PTDSS1: variants seen among roughly 807,000 people sequenced by gnomAD.
The protein encoded by PTDSS1 is PSS-1.
PTDSS1 carries 45 observed loss-of-function variants against 70.5 expected under a neutral mutation model. The ratio of observed to expected loss-of-function variants is 0.64; its 90% CI spans 0.50 to 0.82. The LOEUF (loss-of-function observed/expected upper bound fraction) is 0.82. Ranked by LOEUF, PTDSS1 falls within the 40% of genes least tolerant of loss-of-function variation. The probability of loss-of-function intolerance (pLI) is 0.00; values close to 1 mark genes in which losing one functional copy is unlikely to be tolerated. For synonymous variants in PTDSS1, 188 were observed against 203.8 expected (o/e 0.92, Z 0.66); for missense variants, 417 against 586.1 (o/e 0.71, Z 2.98).
chr8:96,325,205 A>G (rs531344604), intron 10 of PTDSS1, among the ~76,000 whole-genome samples: 28 of 152,354 alleles, frequency 1.8e-4, no homozygotes, highest in Non-Finnish European at 8.8e-5. Flanking sequence ...AACTTGCCCA[A>G]GGTCACATAG....
At chr8:96,286,957 T>C in intron 3 of PTDSS1, 65 bp from the exon 4 acceptor site, 2 of 1,588,676 alleles carry the variant, frequency 1.3e-6, no homozygotes, top group Non-Finnish European at 8.6e-7. Context: ...TCGAGTCTAA[T>C]GTGTATTGTG....
Position 96,291,274 on chromosome 8 carries a change from T to C in PTDSS1, c.442-3824T>C, listed in dbSNP as rs1810899043. Among the ~76,000 whole-genome samples, 6 of 152,278 alleles carry C rather than the reference T, an allele frequency of 3.9e-5. No individual in the cohort carries two copies. In the South Asian group the frequency reaches 1.2e-3, roughly 32 times the overall value. ...AGACAATTTCAACAGCTTTTTAGAA[T>C]TTTATTATGAAAAATTTTAAACCTA... On this transcript the variant is annotated intron_variant, in intron 4 of 12. Coordinates refer to ENST00000517309, the MANE Select transcript of PTDSS1 (RefSeq NM_014754.3).
In PTDSS1 at chr8:96,262,273, G is replaced by A. The variant is rs1487095403; in HGVS notation, c.179+54G>A. The A allele has an allele frequency of 1.1e-5, 15 of 1,344,988 alleles. No homozygotes were observed. Among genetic ancestry groups the A allele is most frequent in the Non-Finnish European group, 1.5e-5 (14 of 963,726 alleles). 83.3% of individuals were successfully genotyped at this position (1,344,988 alleles called of 1,614,324 possible). The stretch of plus-strand genomic sequence containing the variant: ...CGTCCAAGGGCTAGGGAAGAGGCGG[G>A]AGGGAGGGTGGCGGGGAGGGGGGCC... On this transcript the variant is annotated intron_variant, in intron 1 of 12. Coordinates refer to ENST00000517309, the MANE Select transcript of PTDSS1 (RefSeq NM_014754.3). This position sits in a 1 kb window ranked among gnomAD's most constrained non-coding sequence, Gnocchi z 4.4.
At chr8:96,265,563 G>A (rs888111192) in intron 1 of PTDSS1, among the ~76,000 whole-genome samples, 9 of 151,966 alleles carry the variant, frequency 5.9e-5, no homozygotes, top group African/African-American at 1.9e-4. Context: ...GGACAACATG[G>A]TGTAACCCTA....
In PTDSS1 at chr8:96,309,641, T is replaced by C. The variant is rs761957248; in HGVS notation, c.1073+19T>C. ...TGTTTGGGTGAGTAATCTGTTATTG[T>C]GGAGATTTAAAAACCACTTAAGCCC... is the stretch of plus-strand genomic sequence containing the variant. On this transcript the variant is annotated intron_variant, in intron 9 of 12. Transcript: ENST00000517309. 2 of 1,613,490 alleles carry C rather than the reference T, an allele frequency of 1.2e-6. No individual in the cohort carries two copies. The highest frequency in any genetic ancestry group is 2.2e-5 in the East Asian group (1 of 44,874).
chr8:96,292,170 C>T (rs1356952016), intron 4 of PTDSS1, among the ~76,000 whole-genome samples: 2 of 151,156 alleles, frequency 1.3e-5, no homozygotes, highest in Admixed American at 6.6e-5. Context: ...CGTGGTGGCA[C>T]GCACCTGTAA....
intron 3 of PTDSS1, among the ~76,000 whole-genome samples, chr8:96,285,716 G>A (rs992696725): frequency 6.6e-6 from 1 of 152,200 alleles, no homozygotes; most frequent in Admixed American, 6.5e-5. Flanking sequence ...GTGCATCCAT[G>A]GACATTGACC....
At chr8:96,288,569 G>A (rs1469030383) in intron 4 of PTDSS1, among the ~76,000 whole-genome samples, 17 of 147,872 alleles carry the variant, frequency 1.1e-4, no homozygotes, top group Admixed American at 1.1e-3. Flanking sequence ...CAAATGATCT[G>A]CCTGCTTCGG....
chr8:96,278,495 A>T (rs1322541385), intron 2 of PTDSS1, among the ~76,000 whole-genome samples: 1 of 152,094 alleles, frequency 6.6e-6, no homozygotes, highest in Non-Finnish European at 1.5e-5. Context: ...AGAGCAGGGG[A>T]AGGAGAGGGT....
chr8:96,273,045 T>C (rs1417400713), intron 1 of PTDSS1, among the ~76,000 whole-genome samples: 1 of 152,216 alleles, frequency 6.6e-6, no homozygotes, highest in Non-Finnish European at 1.5e-5. Context: ...GTAAAGTGTG[T>C]CTGATTATAT....
chr8:96,315,165 C>T (rs1811268291), intron 9 of PTDSS1, among the ~76,000 whole-genome samples: 1 of 152,222 alleles, frequency 6.6e-6, no homozygotes, highest in Non-Finnish European at 1.5e-5. Context: ...TAGAAGCTCA[C>T]TCCTGAACTT....
At chr8:96,304,324 A>G in intron 7 of PTDSS1, 143 bp downstream of exon 7, 1 of 1,028,558 alleles carries the variant, frequency 9.7e-7, no homozygotes, top group South Asian at 1.8e-5. Flanking sequence ...GGCATGTAGA[A>G]TAATTAAGCA....
intron 4 of PTDSS1, among the ~76,000 whole-genome samples, chr8:96,290,472 A>C (rs1463657677): frequency 6.6e-6 from 1 of 150,688 alleles, no homozygotes; most frequent in Non-Finnish European, 1.5e-5. Flanking sequence ...TCAAAGTTAC[A>C]GCCCCAAGTA....
Position 96,262,016 on chromosome 8 carries a change from C to T in PTDSS1, c.-25C>T. On this transcript the variant is annotated 5_prime_UTR_variant, in exon 1 of 13. Transcript: ENST00000517309. This position sits in a 1 kb window ranked among gnomAD's most constrained non-coding sequence, Gnocchi z 4.4. ...CCTTCTCGGGCTGGGGCCGCCGCCA[C>T]CGCGGCAGGACGGGGAGGCGGGCCA... 1.2e-6 allele frequency: 2 copies of T among 1,603,368 alleles called. No homozygotes were observed. The highest frequency in any genetic ancestry group is 8.5e-7 in the Non-Finnish European group (1 of 1,174,378).
At chr8:96,332,819 C>T (rs1811536449) in intron 12 of PTDSS1, among the ~76,000 whole-genome samples, 1 of 152,148 alleles carries the variant, frequency 6.6e-6, no homozygotes, top group Admixed American at 6.5e-5. Flanking sequence ...GTGGAGATTT[C>T]CTATGGGGCT....
At chr8:96,288,967 C>T (rs528001859) in intron 4 of PTDSS1, among the ~76,000 whole-genome samples, 17 of 151,578 alleles carry the variant, frequency 1.1e-4, no homozygotes, top group African/African-American at 4.1e-4. Flanking sequence ...CGGAGTCTCG[C>T]TCTGTCACCC....
intron 1 of PTDSS1, among the ~76,000 whole-genome samples, chr8:96,264,901 A>C (rs547126174): frequency 6.6e-6 from 1 of 152,206 alleles, no homozygotes; most frequent in African/African-American, 2.4e-5. Context: ...CACTAATTTC[A>C]TAAAGAGACA....
At chr8:96,328,223 A>G (rs1811465949) in intron 10 of PTDSS1, among the ~76,000 whole-genome samples, 1 of 152,118 alleles carries the variant, frequency 6.6e-6, no homozygotes, top group South Asian at 2.1e-4. Flanking sequence ...GCCTCCCCAC[A>G]GCCCTCTCGT....
chr8:96,322,365 A>G (rs909872776), intron 10 of PTDSS1, among the ~76,000 whole-genome samples: 2 of 152,262 alleles, frequency 1.3e-5, no homozygotes, highest in African/African-American at 4.8e-5. Context: ...AGAGCGTGGT[A>G]CCAGTATCTG....
Sources: allele counts gnomAD v4.1 joint callset (sites outside exome capture counted in the v4.1 genomes callset), GRCh38; gene constraint gnomAD v4.1.1; non-coding constraint Gnocchi (gnomAD v3.1); transcripts MANE v1.5; gene names NCBI Gene and HGNC (gene_info 2026-07-23, HGNC 2026-07-21).